Variants in GALNT13 observed in about 807,000 individuals in gnomAD.
GALNT13 encodes the protein UDP-GalNAc:polypeptide N-acetylgalactosaminyltransferase 13.
A neutral mutation model predicts 64.2 loss-of-function variants in GALNT13; 28 were observed. The observed-to-expected ratio is 0.44, with a 90% confidence interval of 0.32 to 0.60. GALNT13 has a LOEUF of 0.60. GALNT13 is among the 20% of genes least tolerant of loss of function. The pLI is 0.05. For missense variants in GALNT13, 577 were observed against 669.8 expected, an observed-to-expected ratio of 0.86 and a Z score of 1.53; for synonymous variants, 214 against 224.6, an observed-to-expected ratio of 0.95 and a Z score of 0.42.
At chr2:153,471,299 G>A in the GALNT13 span, among the ~76,000 whole-genome samples, 1 of 152,086 alleles carries the variant, frequency 6.6e-6, no homozygotes, top group Non-Finnish European at 1.5e-5. Flanking sequence ...GCAGAGTCAT[G>A]ACTATAATAG....
At chr2:153,156,351 A>G in the GALNT13 span, among the ~76,000 whole-genome samples, 1 of 152,170 alleles carries the variant, frequency 6.6e-6, no homozygotes, top group Non-Finnish European at 1.5e-5. Flanking sequence ...ACTTTCTATT[A>G]CAGGTTTTTC....
intron 9 of GALNT13, among the ~76,000 whole-genome samples, chr2:154,369,333 T>G (rs549265260): frequency 3.9e-5 from 6 of 152,218 alleles, no homozygotes; most frequent in African/African-American, 9.6e-5. Context: ...TTATAGAAGC[T>G]TCAATTTTCT....
chr2:153,766,836 C>G, the GALNT13 span, among the ~76,000 whole-genome samples: 1 of 151,892 alleles, frequency 6.6e-6, no homozygotes, highest in Non-Finnish European at 1.5e-5. Context: ...GAGGATTATT[C>G]TTAATTCTTT....
intron 3 of GALNT13, among the ~76,000 whole-genome samples, chr2:153,994,613 C>T (rs1409935133): frequency 1.3e-5 from 2 of 152,174 alleles, no homozygotes; most frequent in Non-Finnish European, 2.9e-5. Context: ...GCCATTCTAA[C>T]TGGTGTAAGA....
chr2:154,065,354 T>C (rs1263436724), intron 3 of GALNT13, among the ~76,000 whole-genome samples: 2 of 152,076 alleles, frequency 1.3e-5, no homozygotes, highest in East Asian at 3.9e-4. Context: ...TGTCTGCTGA[T>C]TATAGATCCT....
the GALNT13 span, among the ~76,000 whole-genome samples, chr2:153,290,427 A>AGTTATTAAAGAAATTTGGTGGCACTG: frequency 4.6e-5 from 7 of 152,210 alleles, no homozygotes; most frequent in Non-Finnish European, 1.0e-4. Context: ...ACTCTCCGAA[A>AGTTATTAAAGAAATTTGGTGGCACTG]GTTATTAAAG....
At chr2:154,320,486 A>C (rs1308692723) in intron 9 of GALNT13, among the ~76,000 whole-genome samples, 2 of 152,164 alleles carry the variant, frequency 1.3e-5, no homozygotes, top group African/African-American at 4.8e-5. Flanking sequence ...TTGCCCAGAA[A>C]TGTTTATTTT....
At chr2:153,392,295 C>A in the GALNT13 span, among the ~76,000 whole-genome samples, 1 of 150,890 alleles carries the variant, frequency 6.6e-6, no homozygotes. Flanking sequence ...CTTAAATTTA[C>A]CGTCTTCAAA....
At chr2:154,193,050 T>G (rs935357305) in intron 4 of GALNT13, among the ~76,000 whole-genome samples, 1 of 152,224 alleles carries the variant, frequency 6.6e-6, no homozygotes, top group Non-Finnish European at 1.5e-5. Flanking sequence ...TTGACTAAAC[T>G]ATTAGTGTGT....
intron 1 of GALNT13, among the ~76,000 whole-genome samples, chr2:153,873,913 G>A (rs915020636): frequency 2.0e-5 from 3 of 151,556 alleles, no homozygotes; most frequent in Non-Finnish European, 4.4e-5. Flanking sequence ...GCCCTCTAGT[G>A]TTAAAGAAAC....
the GALNT13 span, among the ~76,000 whole-genome samples, chr2:153,623,491 T>C: frequency 6.6e-6 from 1 of 152,102 alleles, no homozygotes; most frequent in Non-Finnish European, 1.5e-5. Context: ...GAAAGTAGTT[T>C]GCTTTGCTAC....
At chr2:154,038,089 T>C (rs1352211886) in intron 3 of GALNT13, among the ~76,000 whole-genome samples, 3 of 151,996 alleles carry the variant, frequency 2.0e-5, no homozygotes, top group Non-Finnish European at 4.4e-5. Flanking sequence ...CAGTGAGCCA[T>C]ATTTGTGCCA....
At chr2:154,047,094 A>T (rs1699330657) in intron 3 of GALNT13, among the ~76,000 whole-genome samples, 1 of 152,030 alleles carries the variant, frequency 6.6e-6, no homozygotes, top group Admixed American at 6.6e-5. Context: ...CTCTTACCCT[A>T]ACTTGCTTTT....
intron 11 of GALNT13, among the ~76,000 whole-genome samples, chr2:154,410,665 G>T (rs62172333): frequency 0.064 from 9,712 of 151,860 alleles, 346 homozygotes; most frequent in Middle Eastern, 0.088. Context: ...ACAAGTAGCT[G>T]CTTCTCACAG....
At chr2:154,155,969 T>A (rs1684393338) in intron 4 of GALNT13, among the ~76,000 whole-genome samples, 1 of 151,980 alleles carries the variant, frequency 6.6e-6, no homozygotes, top group Non-Finnish European at 1.5e-5. Context: ...GCATAATACA[T>A]ATATATTCGA....
the GALNT13 span, among the ~76,000 whole-genome samples, chr2:153,225,112 T>C: frequency 6.6e-6 from 1 of 152,196 alleles, no homozygotes; most frequent in African/African-American, 2.4e-5. Flanking sequence ...AATCCAACAA[T>C]GTGTAACAAG....
chr2:154,368,103 C>T (rs1047027847), intron 9 of GALNT13, among the ~76,000 whole-genome samples: 1 of 152,076 alleles, frequency 6.6e-6, no homozygotes, highest in African/African-American at 2.4e-5. Context: ...CTATATATAG[C>T]TCCAGTGAAT....
chr2:153,757,841 T>C, the GALNT13 span, among the ~76,000 whole-genome samples: 10 of 152,240 alleles, frequency 6.6e-5, no homozygotes, highest in Non-Finnish European at 1.5e-5. Context: ...ATTTGTTTGC[T>C]TTCTATTGAA....
the GALNT13 span, among the ~76,000 whole-genome samples, chr2:153,410,918 C>A: frequency 4.6e-5 from 7 of 151,086 alleles, no homozygotes; most frequent in South Asian, 2.1e-4. Flanking sequence ...GAGAGAGAGT[C>A]CAGGCTGGAG....
Sources: allele counts gnomAD v4.1 joint callset (sites outside exome capture counted in the v4.1 genomes callset), GRCh38; gene constraint gnomAD v4.1.1; transcripts MANE v1.5; gene names NCBI Gene and HGNC (gene_info 2026-07-23, HGNC 2026-07-21).